CADPS2: variants seen among roughly 807,000 people sequenced by gnomAD.
CADPS2 encodes the protein calcium-dependent secretion activator 2.
Under a neutral mutation model 172.5 loss-of-function variants are expected in CADPS2, and 93 were observed. That is an observed-to-expected ratio of 0.54 (90% CI 0.46 to 0.64). The LOEUF (loss-of-function observed/expected upper bound fraction) is 0.64, where lower values mean the gene tolerates loss of function less well. Ranked by LOEUF, CADPS2 falls within the 30% of genes least tolerant of loss-of-function variation. The pLI, the probability that CADPS2 is intolerant of heterozygous loss-of-function variation, is 0.00. For synonymous variants in CADPS2, 546 were observed against 555.2 expected, an observed-to-expected ratio of 0.98 and a Z score of 0.23; for missense variants, 1,420 against 1,565.9, an observed-to-expected ratio of 0.91 and a Z score of 1.57.
Position 122,698,798 on chromosome 7 carries a change from A to G in CADPS2, c.454-35229T>C, listed in dbSNP as rs769542252. 5.0e-6 allele frequency: 8 copies of G among 1,613,838 alleles called. No homozygotes were observed. The highest frequency in any genetic ancestry group is 2.2e-5 in the East Asian group (1 of 44,894). On this transcript the variant is annotated intron_variant, in intron 2 of 29. Transcript: ENST00000449022. ...CCAACATGAAATGATATGTTCATATAAGCCATCCAAACAACACTTGCTCTG... is the reference window on the plus strand; with the variant it reads ...CCAACATGAAATGATATGTTCATATGAGCCATCCAAACAACACTTGCTCTG...
chr7:122,718,069 G>T (rs934282412), intron 2 of CADPS2, among the ~76,000 whole-genome samples: 1 of 130,288 alleles, frequency 7.7e-6, no homozygotes, highest in Non-Finnish European at 1.5e-5. Context: ...GACTCAAAGC[G>T]ATCCTCATGC....
intron 3 of CADPS2, among the ~76,000 whole-genome samples, chr7:122,646,233 T>G (rs1278773077): frequency 6.6e-6 from 1 of 152,096 alleles, no homozygotes. Context: ...TTACTATATG[T>G]AAGTGCCCAA....
At chr7:122,650,216 C>T (rs1001685083) in intron 3 of CADPS2, among the ~76,000 whole-genome samples, 1 of 151,100 alleles carries the variant, frequency 6.6e-6, no homozygotes, top group Non-Finnish European at 1.5e-5. Context: ...GGCCAATGAA[C>T]ATTTTTGAAT....
rs149490025 is a variant in CADPS2, at chr7:122,833,061, T to G, written c.339+52938A>C. Among the ~76,000 whole-genome samples the G allele has an allele frequency of 3.1e-3, 471 of 152,332 alleles. No homozygotes were observed. The Middle Eastern group carries it at 0.034, about 11-fold the overall frequency. On this transcript the variant is annotated intron_variant, in intron 1 of 29. Coordinates refer to ENST00000449022, the MANE Select transcript of CADPS2 (RefSeq NM_017954.11). ...CATCTAGGGAGGAAAAAAGATAGAT[T>G]CACTATCCATGCACAACTACTACTA...
intron 2 of CADPS2, among the ~76,000 whole-genome samples, chr7:122,721,229 C>T (rs1477274076): frequency 2.0e-5 from 3 of 151,886 alleles, no homozygotes; most frequent in African/African-American, 4.8e-5. Context: ...AAAAACCCTT[C>T]AAAAAACCAA....
At chr7:122,775,224 A>G (rs1191065068) in intron 1 of CADPS2, among the ~76,000 whole-genome samples, 3 of 152,252 alleles carry the variant, frequency 2.0e-5, no homozygotes, top group Non-Finnish European at 2.9e-5. Context: ...GTCTAAGCCT[A>G]AGACTAAAGT....
intron 27 of CADPS2, among the ~76,000 whole-genome samples, chr7:122,356,165 C>G (rs148412863): frequency 6.6e-5 from 10 of 152,248 alleles, no homozygotes; most frequent in Admixed American, 5.2e-4. Context: ...CAGGATACCA[C>G]GTTACATTTA....
In CADPS2 at chr7:122,806,916, A is replaced by C. The variant is rs75539298; in HGVS notation, c.340-69848T>G. Reference sequence around the variant, plus strand: ...GGGGAGAATACATGTGACAACTATCAATCTATTGCCTCTTAGCACCAAATC... The same window carrying C: ...GGGGAGAATACATGTGACAACTATCCATCTATTGCCTCTTAGCACCAAATC... On this transcript the variant is annotated intron_variant, in intron 1 of 29. Coordinates refer to ENST00000449022, the MANE Select transcript of CADPS2 (RefSeq NM_017954.11). Among the ~76,000 whole-genome samples, 1,230 of 152,322 alleles carry C rather than the reference A, an allele frequency of 8.1e-3. 19 individuals are homozygous for C. Among genetic ancestry groups the C allele is most frequent in the African/African-American group, 0.028 (1,164 of 41,570 alleles).
chr7:122,419,865 G>A (rs910575145), intron 17 of CADPS2, among the ~76,000 whole-genome samples: 1 of 152,026 alleles, frequency 6.6e-6, no homozygotes, highest in African/African-American at 2.4e-5. Flanking sequence ...TTGAATCTTT[G>A]CCTAACTCTG....
At chr7:122,324,136 T>C (rs1276232993) in intron 29 of CADPS2, among the ~76,000 whole-genome samples, 2 of 151,956 alleles carry the variant, frequency 1.3e-5, no homozygotes, top group Non-Finnish European at 2.9e-5. Flanking sequence ...TGTGTAGCTA[T>C]AGTATTAAAA....
At position 122,530,412 on chromosome 7, in the gene CADPS2, T is replaced by C. The variant is rs75549741; in HGVS notation, c.1476-17097A>G. Among the ~76,000 whole-genome samples the C allele has an allele frequency of 3.0e-4, 46 of 151,928 alleles. No individual in the cohort carries two copies. In the East Asian group the frequency reaches 8.7e-3, roughly 29 times the overall value. ...TTAAAAAGTGAGTAAAATGAGACTA[T>C]GTTACATTAGGAAATATTCTATGCC... On this transcript the variant is annotated intron_variant, in intron 8 of 29. Transcript: ENST00000449022.
chr7:122,550,886 G>A (rs79095937), intron 8 of CADPS2, among the ~76,000 whole-genome samples: 226 of 152,196 alleles, frequency 1.5e-3, no homozygotes, highest in African/African-American at 4.8e-3. Flanking sequence ...TCTATAATTA[G>A]TTTAGATGAC....
At chr7:122,794,767 A>C (rs1178184468) in intron 1 of CADPS2, among the ~76,000 whole-genome samples, 3 of 151,614 alleles carry the variant, frequency 2.0e-5, no homozygotes, top group Admixed American at 6.6e-5. Flanking sequence ...AAAAAAAAAA[A>C]CCCTTTCTGA....
At chr7:122,806,168 A>G (rs966055623) in intron 1 of CADPS2, among the ~76,000 whole-genome samples, 1 of 152,208 alleles carries the variant, frequency 6.6e-6, no homozygotes, top group Non-Finnish European at 1.5e-5. Context: ...GCAATTTACA[A>G]AATTATAAAT....
At chr7:122,761,154 ACTT>A in intron 1 of CADPS2, among the ~76,000 whole-genome samples, 1 of 152,210 alleles carries the variant, frequency 6.6e-6, no homozygotes, top group Non-Finnish European at 1.5e-5. Flanking sequence ...AACACTGAAG[ACTT>A]CTTCTCTGGG....
At chr7:122,434,290 A>G (rs1304769637) in intron 17 of CADPS2, among the ~76,000 whole-genome samples, 2 of 151,910 alleles carry the variant, frequency 1.3e-5, no homozygotes, top group Non-Finnish European at 2.9e-5. Context: ...CGTGGCTCTG[A>G]GTGTTTTGTT....
chr7:122,676,603 G>C, intron 2 of CADPS2: 1 of 1,149,432 alleles, frequency 8.7e-7, no homozygotes, highest in Non-Finnish European at 1.3e-6. Context: ...TGACTACAGA[G>C]AGATCCTGCT....
At chr7:122,832,790 T>C (rs1806990190) in intron 1 of CADPS2, among the ~76,000 whole-genome samples, 1 of 152,210 alleles carries the variant, frequency 6.6e-6, no homozygotes, top group African/African-American at 2.4e-5. Flanking sequence ...TGCCATAAGA[T>C]AGTAAGATCC....
chr7:122,447,543 ATTT>A (rs1159112244), intron 15 of CADPS2, among the ~76,000 whole-genome samples: 1,223 of 89,794 alleles, frequency 0.014, 113 homozygotes, highest in Middle Eastern at 0.038. Flanking sequence ...GTTTCGGGGA[ATTT>A]TTTTTTTTTT....
Sources: allele counts gnomAD v4.1 joint callset (sites outside exome capture counted in the v4.1 genomes callset), GRCh38; gene constraint gnomAD v4.1.1; transcripts MANE v1.5; gene names NCBI Gene and HGNC (gene_info 2026-07-23, HGNC 2026-07-21).